The following IQCN variants were observed in gnomAD, a reference collection of about 807,000 sequenced individuals.
The protein encoded by IQCN is IQ motif containing N, also known as IQ domain-containing protein N.
Under a neutral mutation model 64.4 loss-of-function variants are expected in IQCN, and 46 were observed. That is an observed-to-expected ratio of 0.71 (90% confidence interval 0.56 to 0.91). The LOEUF (loss-of-function observed/expected upper bound fraction) is 0.91, where lower values mean the gene tolerates loss of function less well. Among genes scored for constraint, IQCN ranks in the 40% least tolerant of loss-of-function variants. The pLI, the probability that IQCN is intolerant of heterozygous loss-of-function variation, is 0.00. For missense variants in IQCN, 1,753 were observed against 1,857.4 expected (o/e 0.94, Z 1.03); for synonymous variants, 733 against 775.6 (o/e 0.95, Z 0.91).
At chr19:18,269,317 G>T in intron 2 of IQCN, 149 bp downstream of exon 2, 1 of 739,390 alleles carries the variant, frequency 1.4e-6, no homozygotes, top group Non-Finnish European at 2.3e-6. Flanking sequence ...GGTGACTGTG[G>T]CTTTCAGAAG....
In IQCN at chr19:18,265,178, G is replaced by A; in HGVS notation, c.2362C>T (p.Leu788Phe). Residue 788 changes from leucine to phenylalanine, a missense_variant, in exon 3 of 4, where the codon CTC becomes TTC. Physicochemically the swap from Leu to Phe is conservative, Grantham distance 22. Transcript: ENST00000392413. This position sits in a 1 kb window ranked among gnomAD's most constrained non-coding sequence, Gnocchi z 4.7. ...CAGGGTGGGGCGCTGAGGCCACCGA[G>A]GCGCTGGCAGGCGTGGTTGGACACC... ...SKVSNHACQR[L>F]GGLSAPPWAK... 1 of 1,609,744 alleles carries A rather than the reference G, an allele frequency of 6.2e-7. No homozygotes were observed. The highest frequency in any genetic ancestry group is 8.5e-7 in the Non-Finnish European group (1 of 1,179,956).
chr19:18,267,244 A>G lies in IQCN; in HGVS notation c.296T>C (p.Met99Thr), dbSNP rs144568628. 1.1e-5 allele frequency: 18 copies of G among 1,614,130 alleles called. No homozygotes were observed. In the African/African-American group the frequency reaches 2.3e-4, roughly 20 times the overall value. ...QAFKNILVDE[M>T]DMMHARAATL... is the part of the protein sequence containing the mutation. ...GGCTGCACGGGCGTGCATCATGTCC[A>G]TCTCGTCTACCAGGATGTTCTTGAA... The change falls in exon 3 of 4, where the codon ATG becomes ACG. Residue 99 changes from methionine to threonine, a missense_variant. Coordinates refer to ENST00000392413, the MANE Select transcript of IQCN (RefSeq NM_001145304.2).
intron 1 of IQCN, among the ~76,000 whole-genome samples, chr19:18,274,051 G>A (rs1079165): frequency 0.23 from 34,982 of 151,980 alleles, 4,896 homozygotes; most frequent in East Asian, 0.44. Flanking sequence ...TGGGAGGATC[G>A]CTGCAGCCCA....
At chr19:18,273,996 C>T (rs560417832) in intron 1 of IQCN, among the ~76,000 whole-genome samples, 2 of 152,292 alleles carry the variant, frequency 1.3e-5, no homozygotes, top group African/African-American at 4.8e-5. Context: ...CTCAGCTGGG[C>T]GCAGTGGCTC....
chr19:18,272,673 C>T (rs1225111784), intron 1 of IQCN, among the ~76,000 whole-genome samples: 1 of 151,050 alleles, frequency 6.6e-6, no homozygotes. Flanking sequence ...TGCACTGGCA[C>T]CATCTCGGCT....
Position 18,269,472 on chromosome 19 carries a change from G to C in IQCN, c.7C>G (p.Leu3Val). The change falls in exon 2 of 4, where the codon CTT becomes GTT. Residue 3 changes from leucine to valine, a missense_variant. Physicochemically the swap from Leu to Val is conservative, Grantham distance 32 (BLOSUM62 1). Transcript: ENST00000392413. MT[L>V]QGRADLSGNQ... ...CCATAGACCATCTTCTTACCTTGAA[G>C]GGTCATAGATTTGGAGGAGTAGCAG... 1 of 1,613,988 alleles carries C rather than the reference G, an allele frequency of 6.2e-7. No individual in the cohort carries two copies. Among genetic ancestry groups the C allele is most frequent in the Non-Finnish European group, 8.5e-7 (1 of 1,179,958 alleles).
In IQCN at chr19:18,265,949, G is replaced by A. The variant is rs1969565539; in HGVS notation, c.1591C>T (p.Pro531Ser). The change falls in exon 3 of 4, where the codon CCA becomes TCA. Residue 531 changes from proline to serine, a missense_variant. Transcript: ENST00000392413. The surrounding 1 kb of genome is among the most constrained non-coding windows in gnomAD (Gnocchi z 4.7). The stretch of plus-strand genomic sequence containing the variant: ...CCGGCTGCTACCGCCACTTGGGGTG[G>A]AGCCTTGACATTTGCCACTGTTGGA... ...ASPTVANVKA[P>S]PQVAVAAGTP... 1.2e-6 allele frequency: 2 copies of A among 1,614,114 alleles called. No homozygotes were observed. Among genetic ancestry groups the A allele is most frequent in the South Asian group, 2.2e-5 (2 of 91,086 alleles).
chr19:18,257,871 C>T lies in IQCN; in HGVS notation c.3413G>A (p.Arg1138Gln), dbSNP rs61740688. 1,179 of 1,612,228 alleles carry T rather than the reference C, an allele frequency of 7.3e-4. 1 individual carries two copies. The African/African-American group carries it at 0.012, about 16-fold the overall frequency. The change falls in exon 4 of 4, where the codon CGG becomes CAG. Residue 1138 changes from arginine (R) to glutamine (Q), a missense_variant. Transcript: ENST00000392413. ...LARRRIRLWH[R>Q]GAMVIQATWR... The stretch of plus-strand genomic sequence containing the variant: ...AGTAGCTTGGATGACCATGGCCCCC[C>T]GGTGCCACAGCCGGATCCTGCGACG...
chr19:18,268,953 C>T (rs1969670821), intron 2 of IQCN, among the ~76,000 whole-genome samples: 1 of 127,432 alleles, frequency 7.8e-6, no homozygotes, highest in Non-Finnish European at 1.6e-5. Flanking sequence ...CAGAGCAAGA[C>T]TCTGTCTCAA....
rs1352984435 is a variant in IQCN, at chr19:18,266,883, G to A, written c.657C>T (p.Thr219=). The A allele has an allele frequency of 3.7e-6, 6 of 1,610,658 alleles. No homozygotes were observed. Among genetic ancestry groups the A allele is most frequent in the Admixed American group, 1.7e-5 (1 of 59,878 alleles). ...PLLQPPAAQG[T]PEPCVQGPHA... The stretch of plus-strand genomic sequence containing the variant: ...GAGGACCCTGCACACAGGGCTCTGG[G>A]GTACCCTGAGCTGCTGGGGGCTGCA... Residue 219 remains threonine, a synonymous_variant, in exon 3 of 4, where the codon ACC becomes ACT. Coordinates refer to ENST00000392413, the MANE Select transcript of IQCN (RefSeq NM_001145304.2). The surrounding 1 kb of genome is among the most constrained non-coding windows in gnomAD (Gnocchi z 4.3).
chr19:18,267,297 GCGTGGGA>G lies in IQCN; in HGVS notation c.236_242del (p.Val79AlafsTer16). 6.2e-7 allele frequency: 1 copy of G among 1,614,278 alleles called. No individual in the cohort carries two copies. Among genetic ancestry groups the G allele is most frequent in the Non-Finnish European group, 8.5e-7 (1 of 1,180,052 alleles). On this transcript the variant is annotated frameshift_variant, in exon 3 of 4. Transcript: ENST00000392413. LOFTEE classifies it high-confidence loss of function. ...CCTGGCTCTCGACCACAGCCCGGAG[GCGTGGGA>G]CGCGGCGGGACGCCGTCTTGCCTTC...
chr19:18,257,875 G>A lies in IQCN; in HGVS notation c.3409C>T (p.His1137Tyr). 1 of 1,612,332 alleles carries A rather than the reference G, an allele frequency of 6.2e-7. No homozygotes were observed. The highest frequency in any genetic ancestry group is 8.5e-7 in the Non-Finnish European group (1 of 1,179,896). The change falls in exon 4 of 4, where the codon CAC (histidine) becomes TAC (tyrosine). Residue 1137 changes from histidine (H) to tyrosine (Y), a missense_variant. By Grantham distance (83) the His-to-Tyr change is moderately conservative. Transcript: ENST00000392413. ...YLARRRIRLWHRGAMVIQATW... is the reference protein window; with the variant it reads ...YLARRRIRLWYRGAMVIQATW... ...GCTTGGATGACCATGGCCCCCCGGTGCCACAGCCGGATCCTGCGACGCGCC... is the reference window on the plus strand; with the variant it reads ...GCTTGGATGACCATGGCCCCCCGGTACCACAGCCGGATCCTGCGACGCGCC...
intron 2 of IQCN, among the ~76,000 whole-genome samples, chr19:18,268,174 C>CTGTG (rs71336668): frequency 0.21 from 28,714 of 133,964 alleles, 2,516 homozygotes; most frequent in Non-Finnish European, 0.25. Context: ...CTGTTTGCCT[C>CTGTG]TGTGTGTGTG....
At chr19:18,267,686 T>G in intron 2 of IQCN, 160 bp from the exon 3 acceptor site, 1 of 849,516 alleles carries the variant, frequency 1.2e-6, no homozygotes, top group Non-Finnish European at 1.7e-6. Context: ...AAGTGGTCTT[T>G]GCCATCCTTA....
intron 3 of IQCN, among the ~76,000 whole-genome samples, chr19:18,263,568 G>A (rs1969477409): frequency 6.6e-6 from 1 of 152,158 alleles, no homozygotes; most frequent in South Asian, 2.1e-4. Flanking sequence ...GGTCACCATG[G>A]TGACCTGCAA....
Position 18,269,504 on chromosome 19 carries a change from A to T in IQCN, c.-26T>A. The T allele has an allele frequency of 6.2e-7, 1 of 1,613,798 alleles. No homozygotes were observed. The highest frequency in any genetic ancestry group is 1.7e-4 in the Middle Eastern group (1 of 5,920). Reference sequence around the variant, plus strand: ...AGATTTGGAGGAGTAGCAGGAGAAGAAGGTGCAATCTCAGAAGCCAGCCTG... The same window carrying T: ...AGATTTGGAGGAGTAGCAGGAGAAGTAGGTGCAATCTCAGAAGCCAGCCTG... On this transcript the variant is annotated 5_prime_UTR_variant, in exon 2 of 4. Coordinates refer to ENST00000392413, the MANE Select transcript of IQCN (RefSeq NM_001145304.2).
chr19:18,259,116 G>T (rs1222640523), intron 3 of IQCN: 2 of 153,814 alleles, frequency 1.3e-5, no homozygotes, highest in African/African-American at 4.8e-5. Flanking sequence ...TGGCTCAATT[G>T]TAAGGCTCTT....
chr19:18,263,020 A>G (rs1262870953), intron 3 of IQCN, among the ~76,000 whole-genome samples: 1 of 152,066 alleles, frequency 6.6e-6, no homozygotes, highest in Non-Finnish European at 1.5e-5. Flanking sequence ...TTAGACACTG[A>G]GCTGTGTTGG....
chr19:18,266,741 T>G lies in IQCN; in HGVS notation c.799A>C (p.Arg267=). 1 of 1,614,180 alleles carries G rather than the reference T, an allele frequency of 6.2e-7. No homozygotes were observed. Among genetic ancestry groups the G allele is most frequent in the Non-Finnish European group, 8.5e-7 (1 of 1,180,036 alleles). ...CQPCLLTRTI[R]STCLVHIEGD... ...TCTATGTGGACGAGGCAGGTGCTTC[T>G]GATGGTTCTGGTCAGCAGGCATGGC... Residue 267 remains arginine (R), a synonymous_variant, in exon 3 of 4, where the codon AGA becomes CGA. Transcript: ENST00000392413. This position sits in a 1 kb window ranked among gnomAD's most constrained non-coding sequence, Gnocchi z 4.3.
Sources: allele counts gnomAD v4.1 joint callset (sites outside exome capture counted in the v4.1 genomes callset), GRCh38; gene constraint gnomAD v4.1.1; non-coding constraint Gnocchi (gnomAD v3.1); transcripts MANE v1.5; gene names NCBI Gene and HGNC (gene_info 2026-07-23, HGNC 2026-07-21).